The following MAGI2 variants were observed in gnomAD, a reference collection of about 807,000 sequenced individuals.
MAGI2 encodes membrane-associated guanylate kinase, WW and PDZ domain-containing protein 2.
Under a neutral mutation model 133.3 loss-of-function variants are expected in MAGI2, and 35 were observed. That is an observed-to-expected ratio of 0.26 (90% confidence interval 0.20 to 0.35). MAGI2 has a LOEUF of 0.35. Among genes scored for constraint, MAGI2 ranks in the 10% least tolerant of loss-of-function variants. The probability of loss-of-function intolerance (pLI) is 1.00; values close to 1 mark genes in which losing one functional copy is unlikely to be tolerated. For synonymous variants in MAGI2, 729 were observed against 710.6 expected (o/e 1.03, Z -0.41); for missense variants, 1,636 against 1,863.4 (o/e 0.88, Z 2.25).
At chr7:79,110,907 G>C (rs1234694735) in intron 1 of MAGI2, among the ~76,000 whole-genome samples, 16 of 152,094 alleles carry the variant, frequency 1.1e-4, no homozygotes, top group African/African-American at 3.6e-4. Context: ...GCTTAAAAAT[G>C]TGTGGTACCC....
chr7:78,850,189 G>A (rs56116318), intron 2 of MAGI2, among the ~76,000 whole-genome samples: 3,811 of 152,076 alleles, frequency 0.025, 172 homozygotes, highest in African/African-American at 0.088. Flanking sequence ...TTTAGGTGCT[G>A]TTTTACAAAT....
intron 20 of MAGI2, among the ~76,000 whole-genome samples, chr7:78,109,845 G>A (rs1158599604): frequency 6.6e-6 from 1 of 152,160 alleles, no homozygotes; most frequent in Non-Finnish European, 1.5e-5. Context: ...GCAAAGACAA[G>A]GGTCTGTATT....
At chr7:79,110,537 C>T (rs1818843826) in intron 1 of MAGI2, among the ~76,000 whole-genome samples, 1 of 152,182 alleles carries the variant, frequency 6.6e-6, no homozygotes, top group South Asian at 2.1e-4. Flanking sequence ...ATGCCTGTAC[C>T]CACATTGCAT....
At chr7:78,040,166 T>G (rs2868834) in intron 21 of MAGI2, among the ~76,000 whole-genome samples, 1 of 152,134 alleles carries the variant, frequency 6.6e-6, no homozygotes, top group Non-Finnish European at 1.5e-5. Context: ...AGACAGCTCG[T>G]TGTGCTCTTG....
rs892160654 is a variant in MAGI2 at position 78,578,856 on chromosome 7, C to A, written c.538+48264G>T. On this transcript the variant is annotated intron_variant, in intron 3 of 21. Coordinates refer to ENST00000354212, the MANE Select transcript of MAGI2 (RefSeq NM_012301.4). The stretch of plus-strand genomic sequence containing the variant: ...ATGCCTGAACAAAGCAAAATACTCC[C>A]AGGCCTTCAAAGAAACTTCTCCTTT... Among the ~76,000 whole-genome samples the A allele has an allele frequency of 3.9e-5, 6 of 152,208 alleles. No individual in the cohort carries two copies. The East Asian group carries it at 1.2e-3, about 29-fold the overall frequency.
chr7:78,419,680 C>T (rs1315385630), intron 6 of MAGI2, among the ~76,000 whole-genome samples: 2 of 150,708 alleles, frequency 1.3e-5, no homozygotes, highest in Non-Finnish European at 2.9e-5. Context: ...AATCCAAGGC[C>T]ACTTAAACAT....
intron 21 of MAGI2, among the ~76,000 whole-genome samples, chr7:78,045,017 A>G (rs992963284): frequency 6.6e-6 from 1 of 152,258 alleles, no homozygotes. Flanking sequence ...AAATACAAAA[A>G]TTAGTCGGGC....
chr7:78,557,325 C>T (rs1236765289), intron 3 of MAGI2, among the ~76,000 whole-genome samples: 1 of 152,094 alleles, frequency 6.6e-6, no homozygotes, highest in Non-Finnish European at 1.5e-5. Flanking sequence ...GGAAGCCCCC[C>T]AAAGGAGCCA....
chr7:78,737,014 A>T (rs1442491364), intron 2 of MAGI2, among the ~76,000 whole-genome samples: 1 of 152,222 alleles, frequency 6.6e-6, no homozygotes, highest in Non-Finnish European at 1.5e-5. Flanking sequence ...ACTTGAATGA[A>T]TGACTGACAG....
intron 2 of MAGI2, among the ~76,000 whole-genome samples, chr7:78,728,459 G>A (rs1367937075): frequency 6.8e-6 from 1 of 148,146 alleles, no homozygotes; most frequent in Non-Finnish European, 1.5e-5. Context: ...AGATGAGATA[G>A]AGCCATCAAA....
rs542863358 is a variant in MAGI2 at position 79,385,823 on chromosome 7, A to G, written c.301+67197T>C. 3.3e-5 allele frequency among the ~76,000 whole-genome samples: 5 copies of G among 152,130 alleles called. No individual in the cohort carries two copies. In the East Asian group the frequency reaches 9.7e-4, roughly 29 times the overall value. ...CTATTGTATTAGGGATCTTTGTTAA[A>G]TAAGTAGATTGTAGCTGCTCTTGTT... On this transcript the variant is annotated intron_variant, in intron 1 of 21. Coordinates refer to ENST00000354212, the MANE Select transcript of MAGI2 (RefSeq NM_012301.4).
chr7:79,148,371 G>A (rs989097901), intron 1 of MAGI2, among the ~76,000 whole-genome samples: 1 of 152,112 alleles, frequency 6.6e-6, no homozygotes, highest in Non-Finnish European at 1.5e-5. Context: ...CACTTCCCAG[G>A]CCCACCTAAG....
intron 6 of MAGI2, among the ~76,000 whole-genome samples, chr7:78,416,080 C>G (rs549028129): frequency 6.6e-6 from 1 of 152,100 alleles, no homozygotes; most frequent in Non-Finnish European, 1.5e-5. Context: ...GAGGCATGAA[C>G]TGGCCAATGT....
chr7:78,026,990 A>G (rs577267270), intron 21 of MAGI2, among the ~76,000 whole-genome samples: 1 of 152,300 alleles, frequency 6.6e-6, no homozygotes, highest in East Asian at 1.9e-4. Flanking sequence ...ATACATGTAA[A>G]CTGACACATT....
chr7:79,377,448 T>A (rs969223932), intron 1 of MAGI2, among the ~76,000 whole-genome samples: 7 of 151,832 alleles, frequency 4.6e-5, no homozygotes, highest in Non-Finnish European at 1.5e-5. Context: ...TTGCCATCCA[T>A]TATCAAACAG....
chr7:78,052,389 G>A (rs958877475), intron 21 of MAGI2, among the ~76,000 whole-genome samples: 1 of 152,090 alleles, frequency 6.6e-6, no homozygotes, highest in African/African-American at 2.4e-5. Context: ...CGTGACTGCT[G>A]CACAGTTTCT....
chr7:78,070,570 GTGTGTATATATGTGTATATATA>G (rs1415296971), intron 21 of MAGI2, among the ~76,000 whole-genome samples: 1,022 of 69,450 alleles, frequency 0.015, 18 homozygotes, highest in African/African-American at 0.043. Flanking sequence ...GTATATATAT[GTGTGTATATATGTGTATATATA>G]TGTGTATATA....
At chr7:79,384,627 G>C (rs1316697093) in intron 1 of MAGI2, among the ~76,000 whole-genome samples, 1 of 151,468 alleles carries the variant, frequency 6.6e-6, no homozygotes, top group Non-Finnish European at 1.5e-5. Flanking sequence ...TTCACTTGTG[G>C]TGATGGTTTC....
chr7:78,260,884 T>C (rs1005975156), intron 9 of MAGI2, among the ~76,000 whole-genome samples: 1 of 152,164 alleles, frequency 6.6e-6, no homozygotes, highest in African/African-American at 2.4e-5. Flanking sequence ...AATTTTTTCT[T>C]TCTTAGTCAT....
Sources: gnomAD v4.1 joint callset for allele counts (sites outside exome capture counted in the v4.1 genomes callset) on GRCh38, gnomAD v4.1.1 for gene constraint, MANE v1.5 for transcripts, NCBI Gene and HGNC (gene_info 2026-07-23, HGNC 2026-07-21) for gene names.